The following CDH13 variants were observed in gnomAD, a reference collection of about 807,000 sequenced individuals.
CDH13 encodes the protein cadherin-13.
CDH13 carries 24 observed loss-of-function variants against 63.8 expected under a neutral mutation model. The ratio of observed to expected loss-of-function variants is 0.38; its 90% CI spans 0.27 to 0.53. The LOEUF is 0.53. Ranked by LOEUF, CDH13 falls within the 20% of genes least tolerant of loss-of-function variation. The probability of loss-of-function intolerance (pLI) is 0.85; values close to 1 mark genes in which losing one functional copy is unlikely to be tolerated. For missense variants in CDH13, 1,049 were observed against 903.1 expected (o/e 1.16, Z -2.07); for synonymous variants, 503 against 355.3 (o/e 1.42, Z -4.67).
chr16:82,691,532 C>G (rs1915646514), intron 1 of CDH13, among the ~76,000 whole-genome samples: 1 of 152,184 alleles, frequency 6.6e-6, no homozygotes, highest in Non-Finnish European at 1.5e-5. Flanking sequence ...CTGACATTTT[C>G]TCCTTCTCTG....
chr16:83,400,593 C>T (rs577397014), intron 6 of CDH13, among the ~76,000 whole-genome samples: 20 of 152,296 alleles, frequency 1.3e-4, no homozygotes, highest in African/African-American at 4.8e-4. Context: ...AAAGTAATGT[C>T]AGTTACTTTT....
At chr16:83,627,966 T>C (rs1218214445) in intron 8 of CDH13, among the ~76,000 whole-genome samples, 1 of 152,146 alleles carries the variant, frequency 6.6e-6, no homozygotes, top group Non-Finnish European at 1.5e-5. Flanking sequence ...CCGTATAGGG[T>C]AACTTCCTGA....
chr16:83,500,101 C>T (rs1000702081), intron 7 of CDH13, among the ~76,000 whole-genome samples: 2 of 151,732 alleles, frequency 1.3e-5, no homozygotes, highest in African/African-American at 4.8e-5. Flanking sequence ...CTGCACCCGG[C>T]CCAATTCTGT....
chr16:83,408,716 A>G (rs909402772), intron 6 of CDH13, among the ~76,000 whole-genome samples: 2 of 152,248 alleles, frequency 1.3e-5, no homozygotes, highest in Non-Finnish European at 2.9e-5. Context: ...AGTAGTTGTC[A>G]TTTGAAAAGG....
chr16:83,557,503 A>G (rs567600006), intron 7 of CDH13, among the ~76,000 whole-genome samples: 1 of 152,278 alleles, frequency 6.6e-6, no homozygotes, highest in East Asian at 1.9e-4. Flanking sequence ...GTTACATTAT[A>G]TGTACTATTC....
At position 82,804,126 on chromosome 16, in the gene CDH13, G is replaced by C. The variant is rs545230218; in HGVS notation, c.46-54236G>C. 2.6e-5 allele frequency among the ~76,000 whole-genome samples: 4 copies of C among 152,222 alleles called. No individual in the cohort carries two copies. The South Asian group carries it at 8.3e-4, about 32-fold the overall frequency. ...GCCTGTAGTCCCAGCTACTCAGGAGGCTGAGGCAAGAGAATCGCTTGAACC... is the reference window on the plus strand; with the variant it reads ...GCCTGTAGTCCCAGCTACTCAGGAGCCTGAGGCAAGAGAATCGCTTGAACC... On this transcript the variant is annotated intron_variant, in intron 1 of 13. Transcript: ENST00000567109.
At chr16:83,306,675 C>T (rs1431893321) in intron 5 of CDH13, among the ~76,000 whole-genome samples, 1 of 152,086 alleles carries the variant, frequency 6.6e-6, no homozygotes, top group East Asian at 1.9e-4. Flanking sequence ...ATAGGGGTAG[C>T]ACAGAGTCCA....
intron 1 of CDH13, among the ~76,000 whole-genome samples, chr16:82,717,557 G>T (rs1320230846): frequency 1.3e-5 from 2 of 151,114 alleles, no homozygotes; most frequent in African/African-American, 4.8e-5. Flanking sequence ...TCCATTGCTG[G>T]ACTCTTTTAG....
chr16:83,535,962 A>AAAGGG (rs2075178164), intron 7 of CDH13, among the ~76,000 whole-genome samples: 1 of 151,578 alleles, frequency 6.6e-6, no homozygotes, highest in African/African-American at 2.4e-5. Flanking sequence ...GAAGAAAAGA[A>AAAGGG]AAGAAAAGAA....
intron 6 of CDH13, among the ~76,000 whole-genome samples, chr16:83,455,542 G>A (rs1482969860): frequency 3.3e-5 from 5 of 152,110 alleles, no homozygotes; most frequent in Admixed American, 6.5e-5. Flanking sequence ...GTATTCCCAC[G>A]CAGGAGCTTC....
chr16:83,085,392 G>A (rs148246901), intron 3 of CDH13, among the ~76,000 whole-genome samples: 9,837 of 152,146 alleles, frequency 0.065, 357 homozygotes, highest in Non-Finnish European at 0.071. Context: ...GTTGAGATTT[G>A]GGTGGGGACA....
At chr16:82,841,393 A>C (rs1411150344) in intron 1 of CDH13, among the ~76,000 whole-genome samples, 4 of 152,344 alleles carry the variant, frequency 2.6e-5, no homozygotes, top group Non-Finnish European at 5.9e-5. Flanking sequence ...TGTTCTGAAC[A>C]GTACTATGGC....
chr16:82,849,372 C>T (rs2039390760), intron 1 of CDH13, among the ~76,000 whole-genome samples: 1 of 151,968 alleles, frequency 6.6e-6, no homozygotes, highest in Non-Finnish European at 1.5e-5. Flanking sequence ...TGTGGTGGCA[C>T]GTACCTGTAA....
chr16:83,045,059 G>A lies in CDH13; in HGVS notation c.366+12841G>A, dbSNP rs140333797. Among the ~76,000 whole-genome samples the A allele has an allele frequency of 2.7e-3, 410 of 152,122 alleles. 3 individuals are homozygous for A. Among genetic ancestry groups the A allele is most frequent in the Middle Eastern group, 6.8e-3 (2 of 294 alleles). ...TCTTTTTACAATTCCTCTCTTATCT[G>A]CAACTCCCAGAGAGATTCACATGGA... On this transcript the variant is annotated intron_variant, in intron 3 of 13. Transcript: ENST00000567109.
intron 1 of CDH13, among the ~76,000 whole-genome samples, chr16:82,769,869 C>G (rs1052024080): frequency 3.3e-5 from 5 of 152,168 alleles, no homozygotes; most frequent in African/African-American, 1.2e-4. Context: ...CGAAATGTGA[C>G]AGGATAAGTC....
intron 4 of CDH13, among the ~76,000 whole-genome samples, chr16:83,128,245 G>A (rs1435011302): frequency 1.3e-5 from 2 of 152,154 alleles, no homozygotes; most frequent in African/African-American, 4.8e-5. Context: ...CAGATATGCA[G>A]CCGAGGTGGA....
intron 4 of CDH13, among the ~76,000 whole-genome samples, chr16:83,125,942 A>G (rs567008494): frequency 1.3e-5 from 2 of 152,218 alleles, no homozygotes; most frequent in Non-Finnish European, 2.9e-5. Flanking sequence ...AGGGAATAAA[A>G]TCATACTAAT....
chr16:83,659,733 C>G (rs1423814950), intron 8 of CDH13, among the ~76,000 whole-genome samples: 1 of 150,566 alleles, frequency 6.6e-6, no homozygotes, highest in Non-Finnish European at 1.5e-5. Context: ...ACTCAGAGAT[C>G]TTGCAGAATT....
intron 5 of CDH13, among the ~76,000 whole-genome samples, chr16:83,233,031 T>C (rs2040047511): frequency 6.6e-6 from 1 of 152,178 alleles, no homozygotes. Context: ...AGCATTTTCA[T>C]GGAGGTCAGT....
Sources: gnomAD v4.1 joint callset for allele counts (sites outside exome capture counted in the v4.1 genomes callset) on GRCh38, gnomAD v4.1.1 for gene constraint, MANE v1.5 for transcripts, NCBI Gene and HGNC (gene_info 2026-07-23, HGNC 2026-07-21) for gene names.